The following ACADM variants were observed in gnomAD, a reference collection of about 807,000 sequenced individuals.
ACADM encodes medium-chain specific acyl-CoA dehydrogenase, mitochondrial.
Under a neutral mutation model 58.9 loss-of-function variants are expected in ACADM, and 49 were observed. That is an observed-to-expected ratio of 0.83 (90% CI 0.66 to 1.06). The LOEUF (loss-of-function observed/expected upper bound fraction) is 1.06. Ranked by LOEUF, ACADM falls within the 50% of genes least tolerant of loss-of-function variation. The pLI, the probability that ACADM is intolerant of heterozygous loss-of-function variation, is 0.00. For missense variants in ACADM, 496 were observed against 507.0 expected (o/e 0.98, Z 0.21); for synonymous variants, 160 against 157.7 (o/e 1.01, Z -0.11).
At chr1:75,734,927 A>AT (rs1647215642) in intron 6 of ACADM, 56 bp downstream of exon 6, 6 of 1,348,132 alleles carry the variant, frequency 4.5e-6, no homozygotes, top group Non-Finnish European at 6.4e-6. Flanking sequence ...CAAAGGTGCT[A>AT]TTTCTCCTTT....
chr1:75,761,675 T>C (rs917466711), intron 11 of ACADM: 1 of 333,174 alleles, frequency 3.0e-6, no homozygotes, highest in South Asian at 3.7e-5. Flanking sequence ...CCAAAAAGTA[T>C]GCATGTCATT....
intron 8 of ACADM, among the ~76,000 whole-genome samples, chr1:75,748,948 C>T (rs770436335): frequency 2.0e-5 from 3 of 152,156 alleles, no homozygotes; most frequent in Non-Finnish European, 4.4e-5. Flanking sequence ...ATTTTACTAG[C>T]TCTATTAAGA....
chr1:75,756,236 A>C (rs1345539780), intron 10 of ACADM, among the ~76,000 whole-genome samples: 3 of 152,208 alleles, frequency 2.0e-5, no homozygotes, highest in African/African-American at 7.2e-5. Context: ...AAGAGAAGGA[A>C]ATAAAGGGTA....
At chr1:75,759,151 G>A (rs545177450) in intron 10 of ACADM, among the ~76,000 whole-genome samples, 38 of 152,320 alleles carry the variant, frequency 2.5e-4, no homozygotes, top group African/African-American at 8.7e-4. Context: ...AAGGTCTGTG[G>A]CTTCATTCTT....
At chr1:75,733,174 C>T in intron 4 of ACADM, 1 of 1,612,010 alleles carries the variant, frequency 6.2e-7, no homozygotes, top group Non-Finnish European at 8.5e-7. Flanking sequence ...TAGAGTTGGT[C>T]AATTTGTTGT....
intron 7 of ACADM, chr1:75,743,953 TTA>T (rs1266303089): frequency 1.3e-6 from 2 of 1,537,226 alleles, no homozygotes; most frequent in Non-Finnish European, 1.8e-6. Flanking sequence ...TAGTTTGAGG[TTA>T]TGTTTCTTCA....
Position 75,745,877 on chromosome 1 carries a change from T to C in ACADM, c.671T>C (p.Val224Ala). The C allele has an allele frequency of 6.2e-7, 1 of 1,613,782 alleles. No individual in the cohort carries two copies. Among genetic ancestry groups the C allele is most frequent in the Non-Finnish European group, 8.5e-7 (1 of 1,179,762 alleles). Residue 224 changes from valine (V) to alanine (A), a missense_variant, in exon 8 of 12, where the codon GTG becomes GCG. Coordinates refer to ENST00000370841, the MANE Select transcript of ACADM (RefSeq NM_000016.6). ...AATAAAGCCTTTACTGGATTCATTGTGGAAGCAGATACCCCAGGAATTCAG... is the reference window on the plus strand; with the variant it reads ...AATAAAGCCTTTACTGGATTCATTGCGGAAGCAGATACCCCAGGAATTCAG... ...PANKAFTGFI[V>A]EADTPGIQIG... is the part of the protein sequence containing the mutation.
rs141926770 is a variant in ACADM at position 75,739,448 on chromosome 1, T to C, written c.469-532T>C. ...TGAACTTGTTTAAAGCTATCTAACA[T>C]TTTCACTTTTTATTAAATATATGAT... On this transcript the variant is annotated intron_variant, in intron 6 of 11. Coordinates refer to ENST00000370841, the MANE Select transcript of ACADM (RefSeq NM_000016.6). Among the ~76,000 whole-genome samples, 479 of 152,304 alleles carry C rather than the reference T, an allele frequency of 3.1e-3. 4 individuals are homozygous for C. The highest frequency in any genetic ancestry group is 8.2e-3 in the Admixed American group (125 of 15,296).
intron 7 of ACADM, chr1:75,745,533 A>G (rs1647847026): frequency 2.3e-6 from 1 of 434,450 alleles, no homozygotes; most frequent in African/African-American, 2.0e-5. Flanking sequence ...AAAATATCAT[A>G]TATACTGTAC....
At chr1:75,745,334 C>T (rs887950167) in intron 7 of ACADM, 1 of 161,466 alleles carries the variant, frequency 6.2e-6, no homozygotes, top group Non-Finnish European at 1.4e-5. Context: ...AAAAAATAAA[C>T]AAAAAATTAG....
chr1:75,752,173 G>T (rs1327237719), intron 10 of ACADM, among the ~76,000 whole-genome samples: 1 of 151,622 alleles, frequency 6.6e-6, no homozygotes, highest in Non-Finnish European at 1.5e-5. Flanking sequence ...GTAGAGATGA[G>T]GTCTCACTAT....
Position 75,724,764 on chromosome 1 carries a change from CG to C in ACADM, c.-23del, listed in dbSNP as rs771491707. The C allele has an allele frequency of 5.9e-6, 9 of 1,530,738 alleles. No individual in the cohort carries two copies. The highest frequency in any genetic ancestry group is 7.0e-6 in the Non-Finnish European group (8 of 1,137,044). 94.8% of individuals were successfully genotyped at this position (1,530,738 alleles called of 1,614,324 possible). A position where few individuals can be genotyped will look rare whatever the true frequency, so the allele number is the denominator to read the frequency against. ...AGGCCGTGACCCGTGTATTATTGTC[CG>C]AGTGGCCGGAACGGGAGCCAACATG... is the stretch of plus-strand genomic sequence containing the variant. On this transcript the variant is annotated 5_prime_UTR_variant, in exon 1 of 12. Transcript: ENST00000370841.
chr1:75,745,323 C>CA (rs1214548940), intron 7 of ACADM, among the ~76,000 whole-genome samples: 1 of 151,858 alleles, frequency 6.6e-6, no homozygotes, highest in African/African-American at 2.4e-5. Flanking sequence ...TTCATCCCTA[C>CA]AAAAAATAAA....
rs10647103 is a variant in ACADM at position 75,736,173 on chromosome 1, T to TACACACACACACACACAC, written c.468+1317_468+1334dup. On this transcript the variant is annotated intron_variant, in intron 6 of 11. Transcript: ENST00000370841. ...AACAAGATAAATACACACACAGACA[T>TACACACACACACACACAC]ACACACACACACACACACACACACA... Among the ~76,000 whole-genome samples, 1,394 of 144,532 alleles carry TACACACACACACACACAC rather than the reference T, an allele frequency of 9.6e-3. 31 individuals carry two copies. Among genetic ancestry groups the TACACACACACACACACAC allele is most frequent in the African/African-American group, 0.034 (1,326 of 38,454 alleles). 94.8% of individuals were successfully genotyped at this position (144,532 alleles called of 152,430 possible). A position where few individuals can be genotyped will look rare whatever the true frequency, so the allele number is the denominator to read the frequency against.
intron 7 of ACADM, chr1:75,743,630 G>A: frequency 6.5e-7 from 1 of 1,540,858 alleles, no homozygotes; most frequent in African/African-American, 1.4e-5. Context: ...GATAATGGGT[G>A]TTCAAAGAGT....
At chr1:75,728,584 C>T (rs1008518786) in intron 2 of ACADM, 96 bp downstream of exon 2, 43 of 911,372 alleles carry the variant, frequency 4.7e-5, no homozygotes, top group Non-Finnish European at 6.7e-5. Context: ...TTAATAATGT[C>T]TTTCAATGAG....
chr1:75,762,841 G>T lies in ACADM; in HGVS notation c.*78G>T. ...TCCAGAAAAAAGAAAGGGCTTTAAC[G>T]TTTTTTCCAGTGAAAACAAATCCTC... On this transcript the variant is annotated 3_prime_UTR_variant, in exon 12 of 12. Coordinates refer to ENST00000370841, the MANE Select transcript of ACADM (RefSeq NM_000016.6). The T allele has an allele frequency of 1.2e-6, 1 of 850,280 alleles. No individual in the cohort carries two copies. The highest frequency in any genetic ancestry group is 2.3e-5 in the Admixed American group (1 of 42,980). 52.7% of individuals were successfully genotyped at this position (850,280 alleles called of 1,614,324 possible).
At chr1:75,743,227 CAG>C (rs1174090372) in intron 7 of ACADM, among the ~76,000 whole-genome samples, 1 of 152,122 alleles carries the variant, frequency 6.6e-6, no homozygotes, top group Non-Finnish European at 1.5e-5. Context: ...GAGACAGGTG[CAG>C]AGAGGGAGAG....
intron 4 of ACADM, chr1:75,733,201 C>T: frequency 6.2e-7 from 1 of 1,601,870 alleles, no homozygotes; most frequent in Non-Finnish European, 8.5e-7. Context: ...TTCCTATCTT[C>T]TATATTACAT....
Sources: gnomAD v4.1 joint callset for allele counts (sites outside exome capture counted in the v4.1 genomes callset) on GRCh38, gnomAD v4.1.1 for gene constraint, MANE v1.5 for transcripts, NCBI Gene and HGNC (gene_info 2026-07-23, HGNC 2026-07-21) for gene names.